The following LDAH variants were observed in gnomAD, a reference collection of about 807,000 sequenced individuals.
LDAH encodes the protein lipid droplet associated hydrolase.
LDAH carries 26 observed loss-of-function variants against 29.6 expected under a neutral mutation model. That is an observed-to-expected ratio of 0.88 (90% CI 0.64 to 1.22). LDAH has a LOEUF of 1.22. Ranked by LOEUF, LDAH falls within the 50% of genes most tolerant of loss-of-function variation. The pLI is 0.00. For missense variants in LDAH, 344 were observed against 387.3 expected (o/e 0.89, Z 0.94); for synonymous variants, 117 against 133.0 (o/e 0.88, Z 0.83).
intron 1 of LDAH, among the ~76,000 whole-genome samples, chr2:20,817,712 CA>C (rs1219815918): frequency 2.0e-5 from 3 of 152,076 alleles, no homozygotes; most frequent in Non-Finnish European, 2.9e-5. Context: ...AATCTTCAGA[CA>C]AAAGTTCATA....
intron 4 of LDAH, among the ~76,000 whole-genome samples, chr2:20,768,274 G>T (rs1572586467): frequency 6.6e-6 from 1 of 152,190 alleles, no homozygotes; most frequent in East Asian, 1.9e-4. Flanking sequence ...ACTTCAGGGA[G>T]CCCAGACCTG....
At chr2:20,795,332 T>C (rs2125087764) in intron 2 of LDAH, among the ~76,000 whole-genome samples, 1 of 152,348 alleles carries the variant, frequency 6.6e-6, no homozygotes, top group African/African-American at 2.4e-5. Context: ...CAAGTTAATA[T>C]GGCACAGTAT....
Position 20,698,178 on chromosome 2 carries a change from T to C in LDAH, c.786+3392A>G, listed in dbSNP as rs539134848. Among the ~76,000 whole-genome samples the C allele has an allele frequency of 6.6e-6, 1 of 152,228 alleles. No homozygotes were observed. Among genetic ancestry groups the C allele is most frequent in the South Asian group, 2.1e-4 (1 of 4,832 alleles). On this transcript the variant is annotated intron_variant, in intron 6 of 6. Coordinates refer to ENST00000237822, the MANE Select transcript of LDAH (RefSeq NM_021925.4). The surrounding 1 kb of genome is among the most constrained non-coding windows in gnomAD (Gnocchi z 4.4). ...ATCTGTCTAGCACATATTTACTGACTGTTTACCAGGTATGAATTATGCTAG... is the reference window on the plus strand; with the variant it reads ...ATCTGTCTAGCACATATTTACTGACCGTTTACCAGGTATGAATTATGCTAG...
intron 5 of LDAH, among the ~76,000 whole-genome samples, chr2:20,730,729 CCTTCTCCTT>C: frequency 6.6e-6 from 1 of 152,072 alleles, no homozygotes; most frequent in South Asian, 2.1e-4. Context: ...CTCTCCTTCT[CCTTCTCCTT>C]CTTCTTTTTT....
At chr2:20,773,309 C>G (rs1357549500) in intron 4 of LDAH, among the ~76,000 whole-genome samples, 2 of 149,962 alleles carry the variant, frequency 1.3e-5, no homozygotes, top group African/African-American at 4.9e-5. Context: ...TAAGATCAGA[C>G]AGACTAAAAA....
At chr2:20,765,438 C>A (rs540138558) in intron 4 of LDAH, among the ~76,000 whole-genome samples, 8 of 152,190 alleles carry the variant, frequency 5.3e-5, no homozygotes, top group Admixed American at 5.2e-4. Context: ...CTCTAGAAGC[C>A]TGAAGCCTTC....
chr2:20,805,325 C>T (rs1176796985), intron 1 of LDAH, among the ~76,000 whole-genome samples: 3 of 152,180 alleles, frequency 2.0e-5, no homozygotes, highest in Non-Finnish European at 4.4e-5. Flanking sequence ...ATAGCTTCCC[C>T]TGTAGGCACC....
intron 4 of LDAH, among the ~76,000 whole-genome samples, chr2:20,747,714 G>A (rs1667675036): frequency 6.6e-6 from 1 of 152,148 alleles, no homozygotes; most frequent in East Asian, 1.9e-4. Context: ...AACTTCATAT[G>A]TCAGAAAGAT....
At position 20,686,763 on chromosome 2, in the gene LDAH, C is replaced by T. The variant is rs939517037; in HGVS notation, c.*140G>A. On this transcript the variant is annotated 3_prime_UTR_variant, in exon 7 of 7. Coordinates refer to ENST00000237822, the MANE Select transcript of LDAH (RefSeq NM_021925.4). ...TTACTTCAGCCTATAACATGGCGAGCGGAGAGTTGGTTTGTAAGACAAAGG... is the reference window on the plus strand; with the variant it reads ...TTACTTCAGCCTATAACATGGCGAGTGGAGAGTTGGTTTGTAAGACAAAGG... 5 of 705,514 alleles carry T rather than the reference C, an allele frequency of 7.1e-6. No homozygotes were observed. Among genetic ancestry groups the T allele is most frequent in the South Asian group, 2.0e-5 (1 of 50,256 alleles). 43.7% of individuals were successfully genotyped at this position (705,514 alleles called of 1,614,324 possible). A position where few individuals can be genotyped will look rare whatever the true frequency, so the allele number is the denominator to read the frequency against.
chr2:20,690,583 C>T (rs1662933197), intron 6 of LDAH, among the ~76,000 whole-genome samples: 1 of 152,188 alleles, frequency 6.6e-6, no homozygotes, highest in Admixed American at 6.5e-5. Context: ...TGAGATACTT[C>T]CTTTTCCCTA....
intron 4 of LDAH, among the ~76,000 whole-genome samples, chr2:20,768,584 G>A (rs563542558): frequency 2.6e-4 from 40 of 152,256 alleles, no homozygotes; most frequent in African/African-American, 9.1e-4. Context: ...GATCCAGGCC[G>A]GCAGCATGAG....
chr2:20,804,655 T>C (rs1671943496), intron 1 of LDAH, among the ~76,000 whole-genome samples: 2 of 152,194 alleles, frequency 1.3e-5, no homozygotes, highest in African/African-American at 4.8e-5. Context: ...CCTGATGTTA[T>C]ATTGCCTCTT....
At chr2:20,808,634 C>T (rs988664524) in intron 1 of LDAH, among the ~76,000 whole-genome samples, 7 of 143,956 alleles carry the variant, frequency 4.9e-5, no homozygotes, top group Admixed American at 7.1e-5. Context: ...CTCCAGCCTG[C>T]GCGATAGAGA....
At chr2:20,811,851 C>G (rs1259657485) in intron 1 of LDAH, among the ~76,000 whole-genome samples, 4 of 152,114 alleles carry the variant, frequency 2.6e-5, no homozygotes, top group Non-Finnish European at 5.9e-5. Context: ...AGTTTGGCAG[C>G]TATCAAAATA....
intron 4 of LDAH, among the ~76,000 whole-genome samples, chr2:20,760,869 T>C (rs1668635889): frequency 6.6e-6 from 1 of 152,206 alleles, no homozygotes; most frequent in African/African-American, 2.4e-5. Context: ...TATCCACTTA[T>C]GGAGGGGATT....
Position 20,822,805 on chromosome 2 carries a change from C to T in LDAH, c.-3+232G>A, listed in dbSNP as rs1354040898. Among the ~76,000 whole-genome samples the T allele has an allele frequency of 2.6e-5, 4 of 152,182 alleles. No homozygotes were observed. The East Asian group carries it at 7.7e-4, about 29-fold the overall frequency. On this transcript the variant is annotated intron_variant, in intron 1 of 6. Transcript: ENST00000237822. Reference sequence around the variant, plus strand: ...CTTAGGGGTTCAAATGCTGCATTACCGCGCTCGGGTGAGCGACTGCCCGGC... The same window carrying T: ...CTTAGGGGTTCAAATGCTGCATTACTGCGCTCGGGTGAGCGACTGCCCGGC...
intron 5 of LDAH, among the ~76,000 whole-genome samples, chr2:20,724,500 C>A (rs766683188): frequency 2.6e-5 from 4 of 152,168 alleles, no homozygotes; most frequent in Non-Finnish European, 4.4e-5. Context: ...GGTTACTCAG[C>A]TAGTGCTTTG....
At chr2:20,736,959 T>A (rs1341993603) in intron 5 of LDAH, among the ~76,000 whole-genome samples, 1 of 152,252 alleles carries the variant, frequency 6.6e-6, no homozygotes, top group Non-Finnish European at 1.5e-5. Flanking sequence ...CTTGTTAATC[T>A]GTCTTTTGTA....
At chr2:20,802,083 T>C (rs546479871) in intron 1 of LDAH, among the ~76,000 whole-genome samples, 1 of 151,844 alleles carries the variant, frequency 6.6e-6, no homozygotes, top group Non-Finnish European at 1.5e-5. Flanking sequence ...TGTATATATA[T>C]ATACATATAT....
Sources: gnomAD v4.1 joint callset for allele counts (sites outside exome capture counted in the v4.1 genomes callset) on GRCh38, gnomAD v4.1.1 for gene constraint, Gnocchi (gnomAD v3.1) non-coding constraint, MANE v1.5 for transcripts, NCBI Gene and HGNC (gene_info 2026-07-23, HGNC 2026-07-21) for gene names.